Variants in FCRL6 observed in about 807,000 individuals in gnomAD.
FCRL6 encodes the protein Fc receptor-like protein 6.
Under a neutral mutation model 49.1 loss-of-function variants are expected in FCRL6, and 50 were observed. The observed-to-expected ratio is 1.02, with a 90% CI of 0.81 to 1.29. The LOEUF is 1.29. FCRL6 is among the 50% of genes most tolerant of loss of function. The pLI, the probability that FCRL6 is intolerant of heterozygous loss-of-function variation, is 0.00. For synonymous variants in FCRL6, 213 were observed against 199.6 expected (o/e 1.07, Z -0.57); for missense variants, 571 against 518.5 (o/e 1.10, Z -0.98).
intron 1 of FCRL6, among the ~76,000 whole-genome samples, chr1:159,803,505 G>A (rs1662476227): frequency 6.6e-6 from 1 of 152,142 alleles, no homozygotes. Context: ...TGCTACTCGT[G>A]TGTTCTATGA....
At chr1:159,806,471 A>C in intron 1 of FCRL6, 125 bp from the exon 2 acceptor site, 1 of 818,816 alleles carries the variant, frequency 1.2e-6, no homozygotes, top group Non-Finnish European at 2.2e-6. Context: ...ATGGGTGGCT[A>C]GGAGGTTTGG....
chr1:159,815,305 G>A (rs1663326745), intron 8 of FCRL6, 123 bp from the exon 9 acceptor site: 1 of 985,620 alleles, frequency 1.0e-6, no homozygotes, highest in East Asian at 2.6e-5. Flanking sequence ...AGGAGTGAAA[G>A]GAATCTCCCC....
chr1:159,810,765 C>A (rs1663045652), intron 6 of FCRL6, among the ~76,000 whole-genome samples: 1 of 152,194 alleles, frequency 6.6e-6, no homozygotes, highest in African/African-American at 2.4e-5. Context: ...ATATGATAGA[C>A]AAGACTGAGC....
intron 1 of FCRL6, among the ~76,000 whole-genome samples, 183 bp from the exon 2 acceptor site, chr1:159,806,413 T>C (rs1662683395): frequency 6.6e-6 from 1 of 151,734 alleles, no homozygotes; most frequent in Non-Finnish European, 1.5e-5. Flanking sequence ...GGCTGGGTTG[T>C]TTGGTGGTTG....
intron 4 of FCRL6, 39 bp from the exon 5 acceptor site, chr1:159,809,363 G>T: frequency 3.2e-6 from 5 of 1,553,976 alleles, no homozygotes; most frequent in South Asian, 1.2e-5. Flanking sequence ...CAGGGTCCTG[G>T]GTGGTCAGGC....
At chr1:159,802,049 C>T (rs921310475), upstream of FCRL6, among the ~76,000 whole-genome samples, 1 of 152,120 alleles carries the variant, frequency 6.6e-6, no homozygotes, top group African/African-American at 2.4e-5. Flanking sequence ...GGCTGAATGA[C>T]GCTGAAGCCA....
At chr1:159,803,355 G>C (rs567726581) in intron 1 of FCRL6, among the ~76,000 whole-genome samples, 1 of 152,278 alleles carries the variant, frequency 6.6e-6, no homozygotes, top group Non-Finnish European at 1.5e-5. Flanking sequence ...GGTCCCAATA[G>C]CTTGCTTGCT....
At position 159,808,356 on chromosome 1, in the gene FCRL6, C is replaced by T. The variant is rs1662843355; in HGVS notation, c.231C>T (p.Ser77=). 1 of 1,614,000 alleles carries T rather than the reference C, an allele frequency of 6.2e-7. No individual in the cohort carries two copies. Among genetic ancestry groups the T allele is most frequent in the South Asian group, 1.1e-5 (1 of 91,082 alleles). ...TLSMGAATVQ[S]RGQYSCSGQV... is the part of the protein sequence containing the mutation. The stretch of plus-strand genomic sequence containing the variant: ...CCATGGGAGCAGCAACAGTGCAGAG[C>T]CGTGGCCAGTACAGCTGCTCTGGGC... Residue 77 remains serine (S), a synonymous_variant, in exon 3 of 10, where the codon AGC becomes AGT. Transcript: ENST00000368106.
At chr1:159,813,157 G>T (rs905608991) in intron 6 of FCRL6, among the ~76,000 whole-genome samples, 1 of 152,190 alleles carries the variant, frequency 6.6e-6, no homozygotes, top group Non-Finnish European at 1.5e-5. Flanking sequence ...CCAGTGTCTG[G>T]CATATAGTGT....
chr1:159,806,646 A>T (rs1418367270), intron 2 of FCRL6, 30 bp downstream of exon 2: 1 of 1,612,152 alleles, frequency 6.2e-7, no homozygotes, highest in Non-Finnish European at 8.5e-7. Context: ...CTTCTAATTC[A>T]AAGTATGTCT....
chr1:159,809,073 G>T lies in FCRL6; in HGVS notation c.432G>T (p.Arg144Ser), dbSNP rs374562394. 3.1e-6 allele frequency: 5 copies of T among 1,614,084 alleles called. No homozygotes were observed. The highest frequency in any genetic ancestry group is 4.2e-6 in the Non-Finnish European group (5 of 1,179,984). ...TGCACCCCCTGAGGTCAGCCTTGAG[G>T]CTCCTTTTCTCCTTCCACAAGGACG... ...TKLHPLRSAL[R>S]LLFSFHKDGH... is the part of the protein sequence containing the mutation. Residue 144 changes from arginine to serine, a missense_variant, in exon 4 of 10, where the codon AGG becomes AGT. By Grantham distance (110) the Arg-to-Ser change is moderately radical. Coordinates refer to ENST00000368106, the MANE Select transcript of FCRL6 (RefSeq NM_001004310.3).
At chr1:159,809,768 C>A (rs1276342498) in intron 5 of FCRL6, 85 bp downstream of exon 5, 2 of 1,223,880 alleles carry the variant, frequency 1.6e-6, no homozygotes, top group African/African-American at 1.5e-5. Flanking sequence ...CCCATCACGA[C>A]TGGCACAGTG....
At chr1:159,808,617 A>T (rs909981554) in intron 3 of FCRL6, 173 bp downstream of exon 3, 2 of 697,260 alleles carry the variant, frequency 2.9e-6, no homozygotes, top group Non-Finnish European at 4.9e-6. Context: ...CCCTCTCCCC[A>T]CCATGGGGGA....
upstream of FCRL6, among the ~76,000 whole-genome samples, chr1:159,801,298 A>G (rs1662319010): frequency 6.6e-6 from 1 of 152,188 alleles, no homozygotes; most frequent in Admixed American, 6.5e-5. Flanking sequence ...GCCATCAGGG[A>G]TCCCTGTGTT....
At position 159,810,261 on chromosome 1, in the gene FCRL6, C is replaced by A. The variant is rs144820182; in HGVS notation, c.1009+45C>A. On this transcript the variant is annotated intron_variant, in intron 6 of 9. Coordinates refer to ENST00000368106, the MANE Select transcript of FCRL6 (RefSeq NM_001004310.3). ...TTTCTTAGCTGCTGAATCCCTGTGC[C>A]AGGCCCTGCCCAGACTTTGGAAAGC... 24 of 1,586,100 alleles carry A rather than the reference C, an allele frequency of 1.5e-5. No individual in the cohort carries two copies. In the Middle Eastern group the frequency reaches 1.1e-3, roughly 70 times the overall value.
Position 159,809,030 on chromosome 1 carries a change from T to A in FCRL6, c.389T>A (p.Leu130Gln), listed in dbSNP as rs776125711. Residue 130 changes from leucine (L) to glutamine (Q), a missense_variant, in exon 4 of 10, where the codon CTG becomes CAG. Leu to Gln is a moderately radical substitution (Grantham distance 113). Transcript: ENST00000368106. Reference protein sequence around the residue: ...PEPREGSLVTLRCQTKLHPLR... With the variant: ...PEPREGSLVTQRCQTKLHPLR... The stretch of plus-strand genomic sequence containing the variant: ...CCCCGAGAGGGTAGCCTGGTGACCC[T>A]GAGATGTCAGACAAAGCTGCACCCC... 9.9e-6 allele frequency: 16 copies of A among 1,613,802 alleles called. No homozygotes were observed. Among genetic ancestry groups the A allele is most frequent in the Non-Finnish European group, 1.4e-5 (16 of 1,179,916 alleles).
chr1:159,806,206 A>G (rs1188507047), intron 1 of FCRL6, among the ~76,000 whole-genome samples: 1 of 152,258 alleles, frequency 6.6e-6, no homozygotes, highest in African/African-American at 2.4e-5. Flanking sequence ...ACAATGGGGC[A>G]TTGTTTTAGT....
rs111411150 is a variant in FCRL6, at chr1:159,808,652, G to A, written c.319+208G>A. 402 of 644,876 alleles carry A rather than the reference G, an allele frequency of 6.2e-4. 3 individuals carry two copies. In the African/African-American group the frequency reaches 6.3e-3, roughly 10 times the overall value. 39.9% of individuals were successfully genotyped at this position (644,876 alleles called of 1,614,324 possible). A position where few individuals can be genotyped will look rare whatever the true frequency, so the allele number is the denominator to read the frequency against. ...ACACATGTAGCCAGGGGAAGGAGGG[G>A]GGAGATTCTTGGGAAGGGGGCACTG... On this transcript the variant is annotated intron_variant, in intron 3 of 9. Transcript: ENST00000368106.
chr1:159,801,354 A>C (rs1662323059), upstream of FCRL6, among the ~76,000 whole-genome samples: 1 of 152,158 alleles, frequency 6.6e-6, no homozygotes, highest in African/African-American at 2.4e-5. Context: ...GACTGTACCA[A>C]TTTATATTCC....
Sources: gnomAD v4.1 joint callset for allele counts (sites outside exome capture counted in the v4.1 genomes callset) on GRCh38, gnomAD v4.1.1 for gene constraint, MANE v1.5 for transcripts, NCBI Gene and HGNC (gene_info 2026-07-23, HGNC 2026-07-21) for gene names.